NUP98: variants seen among roughly 807,000 people sequenced by gnomAD.
NUP98 encodes nuclear pore complex protein Nup98-Nup96.
A neutral mutation model predicts 191.9 loss-of-function variants in NUP98; 26 were observed. The observed-to-expected ratio is 0.14, with a 90% CI of 0.10 to 0.19. The LOEUF is 0.19. Among genes scored for constraint, NUP98 ranks in the 10% least tolerant of loss-of-function variants. The probability of loss-of-function intolerance (pLI) is 1.00; values close to 1 mark genes in which losing one functional copy is unlikely to be tolerated. For synonymous variants in NUP98, 808 were observed against 778.4 expected (o/e 1.04, Z -0.63); for missense variants, 1,941 against 2,178.8 (o/e 0.89, Z 2.17).
At chr11:3,709,366 C>T (rs2078963355) in intron 20 of NUP98, among the ~76,000 whole-genome samples, 1 of 152,074 alleles carries the variant, frequency 6.6e-6, no homozygotes, top group East Asian at 1.9e-4. Context: ...TACTGAGGCC[C>T]CATCTCCACA....
At chr11:3,682,204 A>G (rs1262275275) in intron 30 of NUP98, among the ~76,000 whole-genome samples, 2 of 152,228 alleles carry the variant, frequency 1.3e-5, no homozygotes, top group African/African-American at 2.4e-5. Context: ...TATCCAGATC[A>G]CAAAAACTTT....
At position 3,763,002 on chromosome 11, in the gene NUP98, C is replaced by T; in HGVS notation, c.986G>A (p.Gly329Asp). Residue 329 changes from glycine (G) to aspartate (D), a missense_variant, in exon 9 of 33, where the codon GGT becomes GAT. Gly to Asp is a moderately conservative substitution (Grantham distance 94). Around this residue, in one of 6 missense-constraint regions of NUP98, gnomAD observed 181 missense variants for 228.0 expected, o/e 0.79. Coordinates refer to ENST00000324932, the MANE Select transcript of NUP98 (RefSeq NM_016320.5). ...GGTGTTTGTAGCTGTCCCAAAAAGA[C>T]CTCCAGGCTGTGAGGCTTGGGTTAC... ...FGVTQASQPGGLFGTATNTST... is the reference protein window; with the variant it reads ...FGVTQASQPGDLFGTATNTST... 6.2e-7 allele frequency: 1 copy of T among 1,614,080 alleles called. No homozygotes were observed. The highest frequency in any genetic ancestry group is 8.5e-7 in the Non-Finnish European group (1 of 1,180,012).
intron 1 of NUP98, among the ~76,000 whole-genome samples, chr11:3,783,468 G>T (rs2082043052): frequency 6.6e-6 from 1 of 152,152 alleles, no homozygotes; most frequent in Admixed American, 6.6e-5. Context: ...GGAGGCCAAG[G>T]CGGGTGGATC....
Position 3,699,326 on chromosome 11 carries a change from T to C in NUP98, c.3765A>G (p.Thr1255=), listed in dbSNP as rs760486572. 1.1e-5 allele frequency: 17 copies of C among 1,614,040 alleles called. No homozygotes were observed. In the East Asian group the frequency reaches 1.1e-4, roughly 11 times the overall value. Residue 1255 remains threonine, a synonymous_variant, in exon 25 of 33, where the codon ACA becomes ACG. Transcript: ENST00000324932. ...EAQIVKHWSL[T]WTLCEALWGH... The stretch of plus-strand genomic sequence containing the variant: ...CCCATAGGGCTTCACATAGTGTCCA[T>C]GTCAGGCTCCAGTGCTTCACAACTA...
intron 20 of NUP98, among the ~76,000 whole-genome samples, chr11:3,711,285 T>C (rs1293006071): frequency 1.3e-5 from 2 of 152,158 alleles, no homozygotes; most frequent in Non-Finnish European, 2.9e-5. Context: ...ACTACCTCTT[T>C]TTGCTAGAAC....
In NUP98 at chr11:3,691,401, G is replaced by A. The variant is rs1234044133; in HGVS notation, c.4400C>T (p.Ser1467Leu). Residue 1467 changes from serine (S) to leucine (L), a missense_variant, in exon 28 of 33, where the codon TCA (serine) becomes TTA (leucine). By Grantham distance (145) the Ser-to-Leu change is moderately radical. Around this residue, in one of 6 missense-constraint regions of NUP98, gnomAD observed 1,030 missense variants for 1,115.8 expected, o/e 0.92. Transcript: ENST00000324932. Reference sequence around the variant, plus strand: ...GCAGACATCTCGAAGTGGTGTCTGTGAGTTTTGCTCCTCCGCTATCACACA... The same window carrying A: ...GCAGACATCTCGAAGTGGTGTCTGTAAGTTTTGCTCCTCCGCTATCACACA... ...SGCVIAEEQN[S>L]QTPLRDVCFH... 4 of 1,614,086 alleles carry A rather than the reference G, an allele frequency of 2.5e-6. No individual in the cohort carries two copies. In the African/African-American group the frequency reaches 4.0e-5, roughly 16 times the overall value.
At chr11:3,775,243 G>A (rs1252632642) in intron 5 of NUP98, among the ~76,000 whole-genome samples, 3 of 152,028 alleles carry the variant, frequency 2.0e-5, no homozygotes, top group Non-Finnish European at 4.4e-5. Flanking sequence ...AAGATTAGTT[G>A]ACCAGGCCGG....
intron 12 of NUP98, among the ~76,000 whole-genome samples, chr11:3,743,929 T>A (rs1353446099): frequency 6.6e-6 from 1 of 151,460 alleles, no homozygotes; most frequent in South Asian, 2.1e-4. Context: ...TGTGGTGGCA[T>A]GCACCTGTAA....
intron 10 of NUP98, among the ~76,000 whole-genome samples, chr11:3,758,783 GAGAGACAGAGAGACAGAGAC>G (rs1438073679): frequency 6.8e-6 from 1 of 148,074 alleles, no homozygotes; most frequent in East Asian, 1.9e-4. Context: ...GAGAGACAGA[GAGAGACAGAGAGACAGAGAC>G]AGAGACAGAG....
chr11:3,747,076 G>C (rs1229979333), intron 11 of NUP98, among the ~76,000 whole-genome samples: 1 of 152,052 alleles, frequency 6.6e-6, no homozygotes, highest in Non-Finnish European at 1.5e-5. Flanking sequence ...AAGAAGTAAT[G>C]GTCCACAATT....
chr11:3,797,031 G>T (rs1320818054), intron 1 of NUP98, among the ~76,000 whole-genome samples: 1 of 152,236 alleles, frequency 6.6e-6, no homozygotes, highest in African/African-American at 2.4e-5. Context: ...GACGGTCAAG[G>T]AAGTGCGGGG....
intron 1 of NUP98, among the ~76,000 whole-genome samples, chr11:3,784,447 CT>C (rs1404808548): frequency 1.3e-5 from 2 of 152,054 alleles, no homozygotes; most frequent in African/African-American, 2.4e-5. Flanking sequence ...AGGTGGCAAG[CT>C]TTTCAAAATA....
chr11:3,723,113 G>C, intron 16 of NUP98, 44 bp downstream of exon 16: 2 of 1,561,768 alleles, frequency 1.3e-6, no homozygotes, highest in South Asian at 2.3e-5. Context: ...AAGTCATCTC[G>C]AATGACTGGT....
chr11:3,732,030 T>C (rs2079871161), intron 13 of NUP98, among the ~76,000 whole-genome samples: 1 of 152,224 alleles, frequency 6.6e-6, no homozygotes, highest in Non-Finnish European at 1.5e-5. Flanking sequence ...TTTTTACTCA[T>C]CTTTCCAGCC....
chr11:3,740,728 G>A (rs1039322810), intron 12 of NUP98, among the ~76,000 whole-genome samples: 2 of 151,758 alleles, frequency 1.3e-5, no homozygotes, highest in Non-Finnish European at 2.9e-5. Flanking sequence ...CCGGTTTCTA[G>A]ATTACTTACT....
chr11:3,726,123 A>G (rs969243361), intron 14 of NUP98, among the ~76,000 whole-genome samples: 15 of 152,180 alleles, frequency 9.9e-5, no homozygotes, highest in Admixed American at 2.0e-4. Context: ...CTAACAGTAT[A>G]CTGGGCCATT....
In NUP98 at chr11:3,675,060, GAA is replaced by G. The variant is rs2077764631; in HGVS notation, c.*1097_*1098del. On this transcript the variant is annotated 3_prime_UTR_variant, in exon 33 of 33. Transcript: ENST00000324932. ...TTTATTTTTTAAGAAAGTAGCTTCA[GAA>G]AAAGAGGAAAATATCTAGATCATTT... 5.7e-6 allele frequency: 1 copy of G among 175,972 alleles called. No homozygotes were observed. Among genetic ancestry groups the G allele is most frequent in the African/African-American group, 2.4e-5 (1 of 42,150 alleles). 10.9% of individuals were successfully genotyped at this position (175,972 alleles called of 1,614,324 possible).
chr11:3,679,860 TG>T, intron 30 of NUP98, 152 bp from the exon 31 acceptor site: 6 of 721,652 alleles, frequency 8.3e-6, no homozygotes, highest in Non-Finnish European at 1.3e-5. Flanking sequence ...AAAGATACTG[TG>T]GGTTTCATTT....
At chr11:3,743,920 G>C (rs1446975412) in intron 12 of NUP98, among the ~76,000 whole-genome samples, 1 of 151,800 alleles carries the variant, frequency 6.6e-6, no homozygotes, top group African/African-American at 2.4e-5. Flanking sequence ...TTAGCTGGGT[G>C]TGGTGGCATG....
Sources: allele counts gnomAD v4.1 joint callset (sites outside exome capture counted in the v4.1 genomes callset), GRCh38; gene constraint gnomAD v4.1.1; regional missense constraint gnomAD v4.1.1; transcripts MANE v1.5; gene names NCBI Gene and HGNC (gene_info 2026-07-23, HGNC 2026-07-21).